GPR75: variants seen among roughly 807,000 people sequenced by gnomAD.
GPR75 encodes probable G protein-coupled receptor 75.
A neutral mutation model predicts 26.0 loss-of-function variants in GPR75; 27 were observed. The ratio of observed to expected loss-of-function variants is 1.04; its 90% CI spans 0.77 to 1.43. The LOEUF is 1.43. Ranked by LOEUF, GPR75 falls within the 40% of genes most tolerant of loss-of-function variation. GPR75 has a pLI of 0.00. For synonymous variants in GPR75, 285 were observed against 256.3 expected, an observed-to-expected ratio of 1.11 and a Z score of -1.07; for missense variants, 699 against 662.3, an observed-to-expected ratio of 1.06 and a Z score of -0.61.
In GPR75 at chr2:53,854,419, A is replaced by T; in HGVS notation, c.338T>A (p.Ile113Asn). 5.0e-6 allele frequency: 8 copies of T among 1,614,144 alleles called. No individual in the cohort carries two copies. Among genetic ancestry groups the T allele is most frequent in the Non-Finnish European group, 6.8e-6 (8 of 1,179,974 alleles). Reference sequence around the variant, plus strand: ...GAAAGTGAAGCAGAAAGCATCCGGGATACTACTGGCTGAGCTGAAGAATAA... The same window carrying T: ...GAAAGTGAAGCAGAAAGCATCCGGGTTACTACTGGCTGAGCTGAAGAATAA... Reference protein sequence around the residue: ...FVLFFSSASSIPDAFCFTFHL... With the variant: ...FVLFFSSASSNPDAFCFTFHL... Residue 113 changes from isoleucine to asparagine, a missense_variant, in exon 2 of 2, where the codon ATC becomes AAC. Physicochemically the swap from Ile to Asn is moderately radical, Grantham distance 149 (BLOSUM62 -3). Transcript: ENST00000394705.
rs1264171696 is a variant in GPR75, at chr2:53,859,879, A to C, written c.-161T>G. ...TCCTCCATCTCGCAGTCCGGACCCC[A>C]GCTCCGCCTGCCGCTCTGGATGATG... On this transcript the variant is annotated 5_prime_UTR_variant, in exon 1 of 2. Transcript: ENST00000394705. 1 of 1,531,120 alleles carries C rather than the reference A, an allele frequency of 6.5e-7. No homozygotes were observed. Among genetic ancestry groups the C allele is most frequent in the Non-Finnish European group, 8.7e-7 (1 of 1,144,026 alleles). 94.8% of individuals were successfully genotyped at this position (1,531,120 alleles called of 1,614,324 possible).
chr2:53,854,573 T>C lies in GPR75; in HGVS notation c.184A>G (p.Ile62Val). ...IFCLGSYGNF[I>V]VFLSFFDPAF... ...GGATCGAAGAAGGACAAGAAGACAA[T>C]GAAGTTGCCATAGGAACCCAGGCAG... Residue 62 changes from isoleucine (I) to valine (V), a missense_variant, in exon 2 of 2, where the codon ATT becomes GTT. Transcript: ENST00000394705. 1.2e-6 allele frequency: 2 copies of C among 1,613,964 alleles called. No homozygotes were observed. The highest frequency in any genetic ancestry group is 2.2e-5 in the South Asian group (2 of 91,072).
intron 1 of GPR75, among the ~76,000 whole-genome samples, chr2:53,856,689 A>G (rs1370828841): frequency 6.6e-6 from 1 of 152,248 alleles, no homozygotes; most frequent in Non-Finnish European, 1.5e-5. Flanking sequence ...TAATCAAGGA[A>G]AAAGATAACT....
In GPR75 at chr2:53,853,394, T is replaced by C. The variant is rs1234659793; in HGVS notation, c.1363A>G (p.Met455Val). 6.2e-7 allele frequency: 1 copy of C among 1,614,046 alleles called. No homozygotes were observed. The highest frequency in any genetic ancestry group is 1.7e-5 in the Admixed American group (1 of 60,002). The change falls in exon 2 of 2, where the codon ATG becomes GTG. Residue 455 changes from methionine to valine, a missense_variant. Met to Val is a conservative substitution (Grantham distance 21, BLOSUM62 1). Coordinates refer to ENST00000394705, the MANE Select transcript of GPR75 (RefSeq NM_006794.4). ...CCAGCAGAGATCTTGGGACTCACCA[T>C]ACTTTCTTTTGAATGACTTGGGCCA... ...ACGPSHSKES[M>V]VSPKISAGHQ... is the part of the protein sequence containing the mutation.
At chr2:53,854,969 T>C (rs1678190318) in intron 1 of GPR75, 104 bp from the exon 2 acceptor site, 1 of 533,044 alleles carries the variant, frequency 1.9e-6, no homozygotes, top group Non-Finnish European at 3.3e-6. Flanking sequence ...AGTACTAGTA[T>C]CTCTCACCTT....
rs1480163103 is a variant in GPR75 at position 53,853,275 on chromosome 2, C to G, written c.1482G>C (p.Glu494Asp). ...SIYNSSPSQE[E>D]SSPCNLQPVN... ...CTGGCTGTAAGTTACATGGGCTGCT[C>G]TCCTCCTGGGAAGGGCTGCTGTTAT... is the stretch of plus-strand genomic sequence containing the variant. The change falls in exon 2 of 2, where the codon GAG (glutamate) becomes GAC (aspartate). Residue 494 changes from glutamate (E) to aspartate (D), a missense_variant. Physicochemically the swap from Glu to Asp is conservative, Grantham distance 45. Coordinates refer to ENST00000394705, the MANE Select transcript of GPR75 (RefSeq NM_006794.4). The G allele has an allele frequency of 1.9e-6, 3 of 1,614,190 alleles. No individual in the cohort carries two copies. The highest frequency in any genetic ancestry group is 3.3e-5 in the Admixed American group (2 of 60,026).
chr2:53,856,022 C>T (rs1340752997), intron 1 of GPR75, among the ~76,000 whole-genome samples: 1 of 152,148 alleles, frequency 6.6e-6, no homozygotes, highest in Non-Finnish European at 1.5e-5. Flanking sequence ...ACCATTATCC[C>T]AACAAGAATA....
At chr2:53,857,115 C>T (rs1221819937) in intron 1 of GPR75, among the ~76,000 whole-genome samples, 1 of 150,476 alleles carries the variant, frequency 6.6e-6, no homozygotes, top group African/African-American at 2.4e-5. Context: ...AGGCGCCCGC[C>T]ACCGTGCCCG....
rs139124743 is a variant in GPR75 at position 53,853,901 on chromosome 2, G to A, written c.856C>T (p.Arg286Cys). 160 of 1,614,060 alleles carry A rather than the reference G, an allele frequency of 9.9e-5. 1 individual carries two copies. The highest frequency in any genetic ancestry group is 6.6e-4 in the South Asian group (60 of 91,082). The change falls in exon 2 of 2, where the codon CGT becomes TGT. Residue 286 changes from arginine (R) to cysteine (C), a missense_variant. Physicochemically the swap from Arg to Cys is radical, Grantham distance 180. Coordinates refer to ENST00000394705, the MANE Select transcript of GPR75 (RefSeq NM_006794.4). The stretch of plus-strand genomic sequence containing the variant: ...TGGTTGGGACTCTTGGTATATCCAC[G>A]GGTCTGAACGTGCTGCAGTTTGTTG... ...NYNKLQHVQTRGYTKSPNQLV... is the reference protein window; with the variant it reads ...NYNKLQHVQTCGYTKSPNQLV...
At position 53,854,196 on chromosome 2, in the gene GPR75, G is replaced by T. The variant is rs781737649; in HGVS notation, c.561C>A (p.His187Gln). ...TCAGACTGGACATGGGAAGACAGAG[G>T]TGGGACTTGCTGGTTTTCAAGGTAG... ...TLATLKTSKS[H>Q]LCLPMSSLIA... Residue 187 changes from histidine to glutamine, a missense_variant, in exon 2 of 2, where the codon CAC becomes CAA. Coordinates refer to ENST00000394705, the MANE Select transcript of GPR75 (RefSeq NM_006794.4). 4 of 1,614,160 alleles carry T rather than the reference G, an allele frequency of 2.5e-6. No individual in the cohort carries two copies. The highest frequency in any genetic ancestry group is 1.3e-5 in the African/African-American group (1 of 75,044).
In GPR75 at chr2:53,853,979, C is replaced by T. The variant is rs760012927; in HGVS notation, c.778G>A (p.Gly260Ser). Residue 260 changes from glycine to serine, a missense_variant, in exon 2 of 2, where the codon GGT (glycine) becomes AGT (serine). Transcript: ENST00000394705. Reference protein sequence around the residue: ...QPFMGVPVQGGGDPIQCAMPA... With the variant: ...QPFMGVPVQGSGDPIQCAMPA... The stretch of plus-strand genomic sequence containing the variant: ...ATGGCACACTGGATGGGATCTCCAC[C>T]TCCCTGCACAGGGACCCCCATGAAA... 1 of 1,614,128 alleles carries T rather than the reference C, an allele frequency of 6.2e-7. No individual in the cohort carries two copies. Among genetic ancestry groups the T allele is most frequent in the Non-Finnish European group, 8.5e-7 (1 of 1,180,012 alleles).
Position 53,853,614 on chromosome 2 carries a change from T to C in GPR75, c.1143A>G (p.Ala381=). 1 of 1,614,018 alleles carries C rather than the reference T, an allele frequency of 6.2e-7. No individual in the cohort carries two copies. The highest frequency in any genetic ancestry group is 1.3e-5 in the African/African-American group (1 of 75,046). The change falls in exon 2 of 2, where the codon GCA becomes GCG. Residue 381 remains alanine, a synonymous_variant. Coordinates refer to ENST00000394705, the MANE Select transcript of GPR75 (RefSeq NM_006794.4). ...LNPFIYSRNS[A]GLRRKVLWCL... ...ACCAGAGCACTTTCCTTCTCAGCCC[T>C]GCACTGTTCCGAGAATATATAAAAG...
rs748071555 is a variant in GPR75 at position 53,854,761 on chromosome 2, G to C, written c.-5C>G. ...AAGGTGGCCTGTTGAGTTCATTTTC[G>C]GAGAGAAATGTCTCCTTCTTCTGCT... On this transcript the variant is annotated 5_prime_UTR_variant, in exon 2 of 2. Transcript: ENST00000394705. The C allele has an allele frequency of 6.2e-7, 1 of 1,606,100 alleles. No individual in the cohort carries two copies. The highest frequency in any genetic ancestry group is 1.7e-5 in the Admixed American group (1 of 59,360).
intron 1 of GPR75, among the ~76,000 whole-genome samples, chr2:53,856,965 T>TTTTTTTTTTC (rs1678244488): frequency 7.6e-6 from 1 of 132,096 alleles, no homozygotes; most frequent in Non-Finnish European, 1.6e-5. Flanking sequence ...TTTTTTTTTT[T>TTTTTTTTTTC]TTTTTTTTTG....
At chr2:53,855,364 T>TG (rs897884365) in intron 1 of GPR75, among the ~76,000 whole-genome samples, 1 of 152,244 alleles carries the variant, frequency 6.6e-6, no homozygotes, top group African/African-American at 2.4e-5. Flanking sequence ...CTTGTGATTC[T>TG]GTTTGAGGGG....
In GPR75 at chr2:53,853,483, T is replaced by A. The variant is rs1439810417; in HGVS notation, c.1274A>T (p.His425Leu). ...LEVNRNKSSH[H>L]ETNSAYMLSP... is the part of the protein sequence containing the mutation. ...TAACATGTAGGCAGAGTTTGTTTCA[T>A]GATGGGAGGATTTGTTTCTGTTGAC... is the stretch of plus-strand genomic sequence containing the variant. The change falls in exon 2 of 2, where the codon CAT becomes CTT. Residue 425 changes from histidine (H) to leucine (L), a missense_variant. His to Leu is a moderately conservative substitution (Grantham distance 99, BLOSUM62 -3). Transcript: ENST00000394705. 4 of 1,614,152 alleles carry A rather than the reference T, an allele frequency of 2.5e-6. No homozygotes were observed. The highest frequency in any genetic ancestry group is 1.3e-5 in the African/African-American group (1 of 75,056).
intron 1 of GPR75, among the ~76,000 whole-genome samples, chr2:53,857,817 A>G (rs1355970431): frequency 1.3e-5 from 2 of 152,116 alleles, no homozygotes; most frequent in South Asian, 2.1e-4. Flanking sequence ...GGCTCAAGCA[A>G]TCTGCCTGCT....
At position 53,853,321 on chromosome 2, in the gene GPR75, A is replaced by T. The variant is rs770605073; in HGVS notation, c.1436T>A (p.Ile479Asn). ...GTTATAGATGCTGTAGTAAGGTTCA[A>T]TCCGAGTGTTGATGGGGGTCGAGCT... Reference protein sequence around the residue: ...QSSSTPINTRIEPYYSIYNSS... With the variant: ...QSSSTPINTRNEPYYSIYNSS... The change falls in exon 2 of 2, where the codon ATT becomes AAT. Residue 479 changes from isoleucine (I) to asparagine (N), a missense_variant. Ile to Asn is a moderately radical substitution (Grantham distance 149). Transcript: ENST00000394705. The T allele has an allele frequency of 3.1e-6, 5 of 1,614,166 alleles. No individual in the cohort carries two copies. The East Asian group carries it at 6.7e-5, about 22-fold the overall frequency.
rs1243669695 is a variant in GPR75 at position 53,853,127 on chromosome 2, C to T, written c.*7G>A. ...TGTTTACATAAGATCCTATAGCCTC[C>T]ATGACTTTAAACGGAGGGGACTGGA... On this transcript the variant is annotated 3_prime_UTR_variant, in exon 2 of 2. Transcript: ENST00000394705. 1.9e-5 allele frequency: 30 copies of T among 1,605,150 alleles called. No individual in the cohort carries two copies. The highest frequency in any genetic ancestry group is 2.5e-5 in the Non-Finnish European group (29 of 1,173,164).
Sources: allele counts gnomAD v4.1 joint callset (sites outside exome capture counted in the v4.1 genomes callset), GRCh38; gene constraint gnomAD v4.1.1; transcripts MANE v1.5; gene names NCBI Gene and HGNC (gene_info 2026-07-23, HGNC 2026-07-21).